CDH12: variants seen among roughly 807,000 people sequenced by gnomAD.
CDH12 encodes cadherin-12.
A neutral mutation model predicts 74.1 loss-of-function variants in CDH12; 41 were observed. The observed-to-expected ratio is 0.55, with a 90% CI of 0.43 to 0.72. The LOEUF (loss-of-function observed/expected upper bound fraction) is 0.72. Ranked by LOEUF, CDH12 falls within the 30% of genes least tolerant of loss-of-function variation. CDH12 has a pLI of 0.00. For missense variants in CDH12, 945 were observed against 977.2 expected (o/e 0.97, Z 0.44); for synonymous variants, 399 against 355.0 (o/e 1.12, Z -1.39).
At chr5:22,311,222 T>C (rs1322300574) in intron 3 of CDH12, among the ~76,000 whole-genome samples, 1 of 152,146 alleles carries the variant, frequency 6.6e-6, no homozygotes, top group Non-Finnish European at 1.5e-5. Flanking sequence ...GCCCTAAATA[T>C]ATATTCTGAT....
intron 2 of CDH12, among the ~76,000 whole-genome samples, chr5:22,446,862 T>A (rs1389122762): frequency 6.6e-6 from 1 of 152,124 alleles, no homozygotes; most frequent in Non-Finnish European, 1.5e-5. Context: ...TGTAACTTTT[T>A]ATGTTAACCC....
chr5:22,358,043 G>C (rs1740637956), intron 3 of CDH12, among the ~76,000 whole-genome samples: 1 of 152,118 alleles, frequency 6.6e-6, no homozygotes, highest in African/African-American at 2.4e-5. Flanking sequence ...TGCATTGAAA[G>C]TCCTAAACAA....
At chr5:22,409,305 G>A (rs1421530994) in intron 2 of CDH12, among the ~76,000 whole-genome samples, 1 of 151,804 alleles carries the variant, frequency 6.6e-6, no homozygotes, top group African/African-American at 2.4e-5. Flanking sequence ...CTTATCTGAG[G>A]TATACACTTG....
intron 4 of CDH12, among the ~76,000 whole-genome samples, chr5:22,080,434 A>C: frequency 6.6e-6 from 1 of 152,164 alleles, no homozygotes; most frequent in East Asian, 1.9e-4. Flanking sequence ...AAAACCGGAT[A>C]TAAATTTTTT....
At chr5:22,701,850 A>G (rs1013014876) in intron 1 of CDH12, among the ~76,000 whole-genome samples, 2 of 152,164 alleles carry the variant, frequency 1.3e-5, no homozygotes, top group Middle Eastern at 3.2e-3. Flanking sequence ...TGACAGGAAA[A>G]TGTTGTGCTT....
intron 1 of CDH12, among the ~76,000 whole-genome samples, chr5:22,846,862 G>T (rs1331229810): frequency 6.6e-6 from 1 of 152,046 alleles, no homozygotes; most frequent in Non-Finnish European, 1.5e-5. Flanking sequence ...CCTCATCACT[G>T]GTGTTATATA....
chr5:21,880,478 C>T (rs1194882946), intron 6 of CDH12, among the ~76,000 whole-genome samples: 3 of 25,200 alleles, frequency 1.2e-4, no homozygotes, highest in Non-Finnish European at 7.2e-4. Context: ...TTCCTTCCTT[C>T]CTTCCTTCCT....
chr5:21,880,616 C>T (rs55983963), intron 6 of CDH12, among the ~76,000 whole-genome samples: 694 of 50,838 alleles, frequency 0.014, 39 homozygotes, highest in African/African-American at 0.057. Flanking sequence ...TCCTTCCTTC[C>T]TTCTTTCTTT....
chr5:21,871,542 G>T (rs1198149411), intron 6 of CDH12, among the ~76,000 whole-genome samples: 1 of 152,098 alleles, frequency 6.6e-6, no homozygotes, highest in Non-Finnish European at 1.5e-5. Context: ...CGACCAGCCT[G>T]ACCAACATGG....
At chr5:22,733,454 GT>G (rs1485704567) in intron 1 of CDH12, among the ~76,000 whole-genome samples, 2 of 142,504 alleles carry the variant, frequency 1.4e-5, no homozygotes, top group East Asian at 4.1e-4. Context: ...TTTTTTTTTA[GT>G]TTAGCATATT....
At chr5:22,192,950 G>A (rs573621843) in intron 4 of CDH12, among the ~76,000 whole-genome samples, 45 of 152,124 alleles carry the variant, frequency 3.0e-4, no homozygotes, top group Non-Finnish European at 5.7e-4. Flanking sequence ...AAGAGGTGCA[G>A]TAGGTATGCA....
intron 1 of CDH12, among the ~76,000 whole-genome samples, chr5:22,794,606 G>A (rs1748092864): frequency 6.6e-6 from 1 of 152,032 alleles, no homozygotes. Flanking sequence ...CACAGAAAAG[G>A]ACCAAGATTT....
At chr5:21,769,750 C>T (rs567115828) in intron 11 of CDH12, among the ~76,000 whole-genome samples, 5 of 152,206 alleles carry the variant, frequency 3.3e-5, no homozygotes, top group African/African-American at 4.8e-5. Context: ...TGCTATTCTT[C>T]GTAGTGCTAC....
chr5:22,657,303 T>A (rs188634071), intron 1 of CDH12, among the ~76,000 whole-genome samples: 1 of 152,150 alleles, frequency 6.6e-6, no homozygotes, highest in Non-Finnish European at 1.5e-5. Flanking sequence ...ATGTAGTAGC[T>A]CTTGTCGCAA....
chr5:22,445,107 T>C (rs1218443073), intron 2 of CDH12, among the ~76,000 whole-genome samples: 1 of 152,104 alleles, frequency 6.6e-6, no homozygotes, highest in African/African-American at 2.4e-5. Flanking sequence ...GAGTATTTCA[T>C]GCACACACCC....
At chr5:22,692,057 G>A (rs1040429177) in intron 1 of CDH12, among the ~76,000 whole-genome samples, 3 of 152,180 alleles carry the variant, frequency 2.0e-5, no homozygotes. Context: ...TTGATGTGAG[G>A]TGTTTGGGTC....
rs554486466 is a variant in CDH12, at chr5:22,746,743, C to T, written c.-523+106315G>A. Reference sequence around the variant, plus strand: ...TTATTGTACATCTGTAAAGCCAGCACAGTAACATATTAAATCAGCTTGCAA... The same window carrying T: ...TTATTGTACATCTGTAAAGCCAGCATAGTAACATATTAAATCAGCTTGCAA... On this transcript the variant is annotated intron_variant, in intron 1 of 14. Coordinates refer to ENST00000382254, the MANE Select transcript of CDH12 (RefSeq NM_004061.5). Among the ~76,000 whole-genome samples the T allele has an allele frequency of 2.0e-4, 30 of 152,264 alleles. No homozygotes were observed. The East Asian group carries it at 4.8e-3, about 25-fold the overall frequency.
At chr5:21,981,668 A>T (rs1757312729) in intron 5 of CDH12, among the ~76,000 whole-genome samples, 1 of 152,052 alleles carries the variant, frequency 6.6e-6, no homozygotes, top group South Asian at 2.1e-4. Context: ...GTCCTAAAAA[A>T]TTCTGAAGTA....
rs574294157 is a variant in CDH12 at position 21,871,411 on chromosome 5, G to A, written c.527-16621C>T. The stretch of plus-strand genomic sequence containing the variant: ...AAGGAATTATAATAGAGTTTTCCAC[G>A]TAGTACTGCTATTCTAGGGTATGTA... On this transcript the variant is annotated intron_variant, in intron 6 of 14. Transcript: ENST00000382254. Among the ~76,000 whole-genome samples, 9 of 152,196 alleles carry A rather than the reference G, an allele frequency of 5.9e-5. No homozygotes were observed. The South Asian group carries it at 6.2e-4, about 11-fold the overall frequency.
Sources: gnomAD v4.1 joint callset for allele counts (sites outside exome capture counted in the v4.1 genomes callset) on GRCh38, gnomAD v4.1.1 for gene constraint, MANE v1.5 for transcripts, NCBI Gene and HGNC (gene_info 2026-07-23, HGNC 2026-07-21) for gene names.